The following PHLPP1 variants were observed in gnomAD, a reference collection of about 807,000 sequenced individuals.
PHLPP1 encodes the protein PH domain leucine-rich repeat-containing protein phosphatase 1.
In PHLPP1, 42 loss-of-function variants were observed where a neutral mutation model predicts 117.2. That is an observed-to-expected ratio of 0.36 (90% CI 0.28 to 0.46). The LOEUF is 0.46. PHLPP1 is among the 20% of genes least tolerant of loss of function. The pLI is 1.00. For synonymous variants in PHLPP1, 1,042 were observed against 970.7 expected, an observed-to-expected ratio of 1.07 and a Z score of -1.37; for missense variants, 2,084 against 2,241.9, an observed-to-expected ratio of 0.93 and a Z score of 1.42.
chr18:62,783,020 G>A (rs1278956522), intron 1 of PHLPP1, among the ~76,000 whole-genome samples: 1 of 141,684 alleles, frequency 7.1e-6, no homozygotes, highest in African/African-American at 2.6e-5. Context: ...ACTTTGATGA[G>A]AGTTTATGAG....
intron 4 of PHLPP1, among the ~76,000 whole-genome samples, chr18:62,868,377 G>A (rs1915819000): frequency 6.6e-6 from 1 of 151,952 alleles, no homozygotes; most frequent in African/African-American, 2.4e-5. Flanking sequence ...TATCTTGCCT[G>A]TAACTTTGGG....
intron 4 of PHLPP1, among the ~76,000 whole-genome samples, chr18:62,894,007 C>T (rs1192181297): frequency 6.6e-6 from 1 of 151,932 alleles, no homozygotes; most frequent in East Asian, 1.9e-4. Flanking sequence ...CAAAACATTT[C>T]CAAGGAAAAC....
At chr18:62,823,104 TG>T (rs1172085711) in intron 1 of PHLPP1, among the ~76,000 whole-genome samples, 2 of 152,214 alleles carry the variant, frequency 1.3e-5, no homozygotes, top group African/African-American at 4.8e-5. Context: ...AAAATTTTAC[TG>T]GCCTTCAGTT....
intron 13 of PHLPP1, among the ~76,000 whole-genome samples, chr18:62,961,808 T>C (rs1256830989): frequency 6.6e-6 from 1 of 152,232 alleles, no homozygotes; most frequent in Non-Finnish European, 1.5e-5. Flanking sequence ...CTATGATTTA[T>C]GTTTTTCAAG....
intron 1 of PHLPP1, among the ~76,000 whole-genome samples, chr18:62,776,773 C>T (rs1261278634): frequency 6.6e-6 from 1 of 152,090 alleles, no homozygotes; most frequent in Non-Finnish European, 1.5e-5. Flanking sequence ...CCACACCCGG[C>T]TAATTTTTGT....
chr18:62,877,232 AG>A (rs1227402240), intron 4 of PHLPP1, among the ~76,000 whole-genome samples: 1 of 152,218 alleles, frequency 6.6e-6, no homozygotes, highest in Non-Finnish European at 1.5e-5. Context: ...CATTACCAAA[AG>A]CCCACATTTC....
At chr18:62,735,687 G>A (rs951106155) in intron 1 of PHLPP1, among the ~76,000 whole-genome samples, 7 of 152,008 alleles carry the variant, frequency 4.6e-5, no homozygotes, top group Non-Finnish European at 8.8e-5. Context: ...CCTGATGATG[G>A]GTAAAAGAAA....
chr18:62,855,850 C>T (rs1472081230), intron 3 of PHLPP1, among the ~76,000 whole-genome samples: 1 of 152,174 alleles, frequency 6.6e-6, no homozygotes, highest in Non-Finnish European at 1.5e-5. Flanking sequence ...GCACTAGATG[C>T]AGAGGCCGCC....
intron 10 of PHLPP1, among the ~76,000 whole-genome samples, chr18:62,929,211 T>C (rs966152486): frequency 2.0e-5 from 3 of 152,192 alleles, no homozygotes; most frequent in Admixed American, 6.5e-5. Flanking sequence ...CCATGATCCC[T>C]TCTCCAGGAA....
intron 3 of PHLPP1, among the ~76,000 whole-genome samples, chr18:62,849,814 A>ATATATATAT (rs1568137141): frequency 2.2e-5 from 1 of 45,150 alleles, no homozygotes; most frequent in African/African-American, 8.8e-5. Flanking sequence ...AAAAAAAAAA[A>ATATATATAT]AAAAAAAAAA....
chr18:62,850,969 C>T (rs933221317), intron 3 of PHLPP1, among the ~76,000 whole-genome samples: 4 of 152,146 alleles, frequency 2.6e-5, no homozygotes, highest in African/African-American at 9.7e-5. Context: ...CCTGTGTGTG[C>T]TCTTATGGCA....
chr18:62,725,227 G>T (rs1298166320), intron 1 of PHLPP1, among the ~76,000 whole-genome samples: 1 of 151,830 alleles, frequency 6.6e-6, no homozygotes, highest in Non-Finnish European at 1.5e-5. Context: ...GGGCCTAGTG[G>T]CGCACGCCTG....
rs1910694514 is a variant in PHLPP1 at position 62,715,659 on chromosome 18, G to C, written c.-25G>C. 7.9e-7 allele frequency: 1 copy of C among 1,266,894 alleles called. No homozygotes were observed. The highest frequency in any genetic ancestry group is 9.9e-7 in the Non-Finnish European group (1 of 1,007,998). 78.5% of individuals were successfully genotyped at this position (1,266,894 alleles called of 1,614,324 possible). A position where few individuals can be genotyped will look rare whatever the true frequency, so the allele number is the denominator to read the frequency against. The stretch of plus-strand genomic sequence containing the variant: ...CTCCGCCCGCTGCCTCCGGAGCTGG[G>C]GGGGAAACGCGAAGCCCCACTGCAA... On this transcript the variant is annotated 5_prime_UTR_variant, in exon 1 of 17. Transcript: ENST00000262719.
At position 62,825,020 on chromosome 18, in the gene PHLPP1, G is replaced by A. The variant is rs142823566; in HGVS notation, c.1577-5015G>A. Among the ~76,000 whole-genome samples the A allele has an allele frequency of 4.3e-4, 65 of 151,434 alleles. No homozygotes were observed. The East Asian group carries it at 0.012, about 27-fold the overall frequency. On this transcript the variant is annotated intron_variant, in intron 1 of 16. Coordinates refer to ENST00000262719, the MANE Select transcript of PHLPP1 (RefSeq NM_194449.4). The stretch of plus-strand genomic sequence containing the variant: ...CAGCTCAGTGCAACCTCTGCCTCCC[G>A]GGTTCAAGTGATTGTCCTCCCTCAG...
At chr18:62,809,156 C>G (rs917486214) in intron 1 of PHLPP1, among the ~76,000 whole-genome samples, 3 of 152,156 alleles carry the variant, frequency 2.0e-5, no homozygotes, top group Non-Finnish European at 4.4e-5. Flanking sequence ...CATTTTTAAA[C>G]AAAACTGTCG....
At chr18:62,815,574 T>C (rs1335648246) in intron 1 of PHLPP1, among the ~76,000 whole-genome samples, 2 of 152,208 alleles carry the variant, frequency 1.3e-5, no homozygotes, top group East Asian at 3.9e-4. Flanking sequence ...CAAAGGATTG[T>C]ATGAGTATCC....
intron 1 of PHLPP1, among the ~76,000 whole-genome samples, chr18:62,791,768 G>C (rs1483308403): frequency 2.0e-5 from 3 of 152,108 alleles, no homozygotes; most frequent in Admixed American, 6.6e-5. Flanking sequence ...TGTCTTCATA[G>C]GAAATAGTGT....
intron 4 of PHLPP1, among the ~76,000 whole-genome samples, chr18:62,866,419 A>G (rs924864633): frequency 6.6e-6 from 1 of 151,784 alleles, no homozygotes; most frequent in Admixed American, 6.6e-5. Context: ...TAATTTTTGT[A>G]GTTTTAGTAG....
At chr18:62,804,927 G>A (rs907103801) in intron 1 of PHLPP1, among the ~76,000 whole-genome samples, 1 of 143,738 alleles carries the variant, frequency 7.0e-6, no homozygotes, top group African/African-American at 2.5e-5. Context: ...ACACTGCATA[G>A]GTTATACATA....
Sources: gnomAD v4.1 joint callset for allele counts (sites outside exome capture counted in the v4.1 genomes callset) on GRCh38, gnomAD v4.1.1 for gene constraint, MANE v1.5 for transcripts, NCBI Gene and HGNC (gene_info 2026-07-23, HGNC 2026-07-21) for gene names.